CHCHD3: variants seen among roughly 807,000 people sequenced by gnomAD.
CHCHD3 encodes MICOS complex subunit MIC19.
A neutral mutation model predicts 38.2 loss-of-function variants in CHCHD3; 20 were observed. The observed-to-expected ratio is 0.52, with a 90% CI of 0.37 to 0.76. The LOEUF is 0.76. Ranked by LOEUF, CHCHD3 falls within the 30% of genes least tolerant of loss-of-function variation. CHCHD3 has a pLI of 0.00. For synonymous variants in CHCHD3, 82 were observed against 100.0 expected (o/e 0.82, Z 1.07); for missense variants, 245 against 279.2 (o/e 0.88, Z 0.87).
chr7:132,926,310 A>G (rs1810376027), intron 4 of CHCHD3, among the ~76,000 whole-genome samples: 1 of 152,234 alleles, frequency 6.6e-6, no homozygotes, highest in South Asian at 2.1e-4. Context: ...GATTTCGGAC[A>G]GAGATGGCAG....
intron 4 of CHCHD3, among the ~76,000 whole-genome samples, chr7:132,943,475 G>A (rs1333948309): frequency 1.3e-5 from 2 of 152,032 alleles, no homozygotes; most frequent in Admixed American, 6.6e-5. Flanking sequence ...AAAGAGAATA[G>A]ATAAATTACT....
At chr7:132,825,089 GA>G (rs1459653331) in intron 6 of CHCHD3, among the ~76,000 whole-genome samples, 3 of 152,194 alleles carry the variant, frequency 2.0e-5, no homozygotes, top group Non-Finnish European at 4.4e-5. Context: ...TGATCCCAAT[GA>G]GTATAAGCCC....
chr7:132,855,095 G>A (rs934551238), intron 5 of CHCHD3, among the ~76,000 whole-genome samples: 1 of 152,174 alleles, frequency 6.6e-6, no homozygotes, highest in Non-Finnish European at 1.5e-5. Flanking sequence ...CACATTTGCT[G>A]GTGTTCCATA....
chr7:133,015,812 A>C (rs1813013119), intron 3 of CHCHD3, among the ~76,000 whole-genome samples: 1 of 152,216 alleles, frequency 6.6e-6, no homozygotes, highest in Non-Finnish European at 1.5e-5. Context: ...AAAGGCGTTT[A>C]ATTAGCTCAC....
intron 3 of CHCHD3, among the ~76,000 whole-genome samples, chr7:132,978,423 A>G (rs1004322358): frequency 6.6e-6 from 1 of 152,184 alleles, no homozygotes; most frequent in African/African-American, 2.4e-5. Context: ...TAGCTCCATA[A>G]GGACAACGAT....
chr7:133,034,015 T>C (rs896760930), intron 2 of CHCHD3, among the ~76,000 whole-genome samples: 2 of 152,224 alleles, frequency 1.3e-5, no homozygotes, highest in Admixed American at 6.5e-5. Flanking sequence ...CCCCAAACTG[T>C]ACAAATGTTT....
intron 4 of CHCHD3, among the ~76,000 whole-genome samples, chr7:132,905,062 A>G (rs570687965): frequency 4.6e-4 from 68 of 148,960 alleles, no homozygotes; most frequent in African/African-American, 1.6e-3. Flanking sequence ...ACTTTGACGC[A>G]AGGCGGGGAA....
At chr7:132,912,938 A>G (rs1444784921) in intron 4 of CHCHD3, among the ~76,000 whole-genome samples, 2 of 152,192 alleles carry the variant, frequency 1.3e-5, no homozygotes, top group Admixed American at 1.3e-4. Context: ...TAAATTTTCT[A>G]TATGTTTGTT....
At chr7:132,850,226 C>T (rs1169050959) in intron 5 of CHCHD3, among the ~76,000 whole-genome samples, 1 of 152,180 alleles carries the variant, frequency 6.6e-6, no homozygotes, top group Non-Finnish European at 1.5e-5. Context: ...TGAACTCTAG[C>T]ATCAAATCTT....
intron 4 of CHCHD3, among the ~76,000 whole-genome samples, chr7:132,898,963 G>T (rs1809592521): frequency 6.6e-6 from 1 of 152,204 alleles, no homozygotes; most frequent in Non-Finnish European, 1.5e-5. Flanking sequence ...GCCGCACACA[G>T]CCCCGGTTCC....
rs1430627605 is a variant in CHCHD3 at position 132,975,278 on chromosome 7, T to C, written c.260A>G (p.Gln87Arg). 5.0e-6 allele frequency: 8 copies of C among 1,612,458 alleles called. No homozygotes were observed. Among genetic ancestry groups the C allele is most frequent in the African/African-American group, 1.3e-5 (1 of 74,990 alleles). ...CCTCTCTCGGTCCAGCTCTTTGGCT[T>C]GCTTTAGTCTAAAATGACAAGAATT... Reference protein sequence around the residue: ...KESEDQKRLKQAKELDRERAA... With the variant: ...KESEDQKRLKRAKELDRERAA... The change falls in exon 4 of 8, where the codon CAA (glutamine) becomes CGA (arginine). Residue 87 changes from glutamine to arginine, a missense_variant. Transcript: ENST00000262570.
intron 3 of CHCHD3, among the ~76,000 whole-genome samples, chr7:132,978,894 G>C (rs1811843092): frequency 6.6e-6 from 1 of 152,096 alleles, no homozygotes; most frequent in African/African-American, 2.4e-5. Flanking sequence ...AAATAGAACT[G>C]CACAAATTCT....
At chr7:132,846,725 C>T (rs1808085713) in intron 5 of CHCHD3, among the ~76,000 whole-genome samples, 1 of 152,162 alleles carries the variant, frequency 6.6e-6, no homozygotes, top group South Asian at 2.1e-4. Context: ...AGCACTTCAA[C>T]TGTTGCTCAT....
intron 3 of CHCHD3, among the ~76,000 whole-genome samples, chr7:133,003,030 G>A (rs980846782): frequency 1.3e-5 from 2 of 152,192 alleles, no homozygotes. Flanking sequence ...TGCCTATGAG[G>A]AAGGAAATGG....
chr7:133,076,350 G>C (rs1814991124), intron 1 of CHCHD3, among the ~76,000 whole-genome samples: 1 of 152,124 alleles, frequency 6.6e-6, no homozygotes. Flanking sequence ...ATGCAAAACT[G>C]TCTGCTTATT....
intron 2 of CHCHD3, among the ~76,000 whole-genome samples, chr7:133,055,097 G>A (rs1033042975): frequency 6.6e-6 from 1 of 151,706 alleles, no homozygotes; most frequent in Admixed American, 6.6e-5. Flanking sequence ...GGCTGAGGTG[G>A]GAGTATCACT....
intron 2 of CHCHD3, chr7:133,034,881 T>C (rs1180627750): frequency 3.7e-6 from 6 of 1,610,452 alleles, no homozygotes; most frequent in Non-Finnish European, 5.1e-6. Context: ...GTCCAGTCGC[T>C]GGAACATTCC....
chr7:132,955,184 G>GTGTGTGTGTGTA, intron 4 of CHCHD3, among the ~76,000 whole-genome samples: 1 of 149,748 alleles, frequency 6.7e-6, no homozygotes, highest in Non-Finnish European at 1.5e-5. Flanking sequence ...GTGTGTGTGT[G>GTGTGTGTGTGTA]TGTGTGTGTG....
rs748998673 is a variant in CHCHD3, at chr7:132,965,295, A to C, written c.369+9874T>G. Among the ~76,000 whole-genome samples, 48 of 152,182 alleles carry C rather than the reference A, an allele frequency of 3.2e-4. 1 individual carries two copies. Among genetic ancestry groups the C allele is most frequent in the Non-Finnish European group, 4.1e-4 (28 of 68,032 alleles). On this transcript the variant is annotated intron_variant, in intron 4 of 7. Transcript: ENST00000262570. ...CAAAATAAGATCACCTCGGCACAGAAGATCAGAGTTGTAACCCTGGCTCTA... is the reference window on the plus strand; with the variant it reads ...CAAAATAAGATCACCTCGGCACAGACGATCAGAGTTGTAACCCTGGCTCTA...
Sources: gnomAD v4.1 joint callset for allele counts (sites outside exome capture counted in the v4.1 genomes callset) on GRCh38, gnomAD v4.1.1 for gene constraint, MANE v1.5 for transcripts, NCBI Gene and HGNC (gene_info 2026-07-23, HGNC 2026-07-21) for gene names.